Variants in CD86 observed in about 807,000 individuals in gnomAD.
CD86 encodes T-lymphocyte activation antigen CD86.
A neutral mutation model predicts 32.1 loss-of-function variants in CD86; 11 were observed. The ratio of observed to expected loss-of-function variants is 0.34; its 90% CI spans 0.22 to 0.57. The LOEUF (loss-of-function observed/expected upper bound fraction) is 0.57, where lower values mean the gene tolerates loss of function less well. Ranked by LOEUF, CD86 falls within the 20% of genes least tolerant of loss-of-function variation. The pLI is 0.86. For synonymous variants in CD86, 137 were observed against 135.3 expected (o/e 1.01, Z -0.09); for missense variants, 359 against 398.4 (o/e 0.90, Z 0.84).
chr3:122,096,512 T>C (rs1383998453), intron 2 of CD86, among the ~76,000 whole-genome samples: 2 of 152,204 alleles, frequency 1.3e-5, no homozygotes, highest in Non-Finnish European at 2.9e-5. Flanking sequence ...TCTCTATCAT[T>C]AATAATGTTA....
chr3:122,101,495 G>GAAAAAAAAA (rs72402574), intron 2 of CD86, among the ~76,000 whole-genome samples: 1 of 53,404 alleles, frequency 1.9e-5, no homozygotes, highest in African/African-American at 6.5e-5. Context: ...AGGCTCTACA[G>GAAAAAAAAA]AAAAAAAAAA....
chr3:122,087,160 C>T (rs1476043717), intron 1 of CD86, among the ~76,000 whole-genome samples: 1 of 152,130 alleles, frequency 6.6e-6, no homozygotes, highest in Admixed American at 6.5e-5. Context: ...GGCAGGTGCT[C>T]TTCTTGGTTT....
At chr3:122,099,751 T>C (rs1006498778) in intron 2 of CD86, among the ~76,000 whole-genome samples, 3 of 152,206 alleles carry the variant, frequency 2.0e-5, no homozygotes, top group Non-Finnish European at 2.9e-5. Flanking sequence ...TAATTAAAAT[T>C]AAATAAGATT....
intron 5 of CD86, among the ~76,000 whole-genome samples, chr3:122,115,454 T>C (rs1361807132): frequency 1.3e-5 from 2 of 152,134 alleles, no homozygotes; most frequent in Non-Finnish European, 2.9e-5. Flanking sequence ...ATGGATTAAA[T>C]GTAATCACAA....
chr3:122,076,896 C>T (rs938812970), intron 1 of CD86, among the ~76,000 whole-genome samples: 1 of 152,146 alleles, frequency 6.6e-6, no homozygotes, highest in Admixed American at 6.5e-5. Flanking sequence ...GCCCAGGGTC[C>T]AGTGGTCAAG....
At chr3:122,080,270 A>G (rs1559902357) in intron 1 of CD86, among the ~76,000 whole-genome samples, 1 of 152,168 alleles carries the variant, frequency 6.6e-6, no homozygotes, top group Non-Finnish European at 1.5e-5. Flanking sequence ...GAAACTTTGC[A>G]TGATCCTTAC....
intron 1 of CD86, among the ~76,000 whole-genome samples, chr3:122,070,469 C>A (rs561256699): frequency 1.0e-3 from 154 of 152,192 alleles, no homozygotes; most frequent in Middle Eastern, 6.8e-3. Flanking sequence ...GGTATAAATG[C>A]AAAATTTTGG....
intron 1 of CD86, among the ~76,000 whole-genome samples, chr3:122,064,354 T>C (rs1279747753): frequency 1.3e-5 from 2 of 152,186 alleles, no homozygotes; most frequent in Non-Finnish European, 2.9e-5. Flanking sequence ...TGACTAAAAT[T>C]GCCAGATCTT....
At chr3:122,073,246 A>T (rs1229467312) in intron 1 of CD86, among the ~76,000 whole-genome samples, 1 of 150,684 alleles carries the variant, frequency 6.6e-6, no homozygotes, top group Non-Finnish European at 1.5e-5. Context: ...TACTGTTTTA[A>T]TTTGCAATTC....
chr3:122,086,415 A>C, intron 1 of CD86, among the ~76,000 whole-genome samples: 1 of 150,860 alleles, frequency 6.6e-6, no homozygotes, highest in East Asian at 1.9e-4. Flanking sequence ...CTGCCATTCC[A>C]CCTCCCTCAT....
Position 122,055,728 on chromosome 3 carries a change from G to T in CD86, c.14+225G>T, listed in dbSNP as rs1425976333. On this transcript the variant is annotated intron_variant, in intron 1 of 6. Transcript: ENST00000330540. ...ATATATTTTTAGGTGCCTAATTTTG[G>T]TTTTGTAAATCTGTTATTCAAATAC... Among the ~76,000 whole-genome samples, 15 of 152,134 alleles carry T rather than the reference G, an allele frequency of 9.9e-5. No homozygotes were observed. The East Asian group carries it at 2.7e-3, about 27-fold the overall frequency.
chr3:122,104,528 T>A (rs1915092), intron 3 of CD86, among the ~76,000 whole-genome samples: 58,254 of 151,988 alleles, frequency 0.38, 12,112 homozygotes, highest in Admixed American at 0.56. Flanking sequence ...ATTGTATAGA[T>A]CTTGTATAGA....
At chr3:122,101,495 G>GAAAAAA (rs72402574) in intron 2 of CD86, among the ~76,000 whole-genome samples, 3 of 53,402 alleles carry the variant, frequency 5.6e-5, no homozygotes, top group African/African-American at 2.0e-4. Flanking sequence ...AGGCTCTACA[G>GAAAAAA]AAAAAAAAAA....
intron 5 of CD86, among the ~76,000 whole-genome samples, chr3:122,113,252 T>A (rs1323522848): frequency 6.6e-6 from 1 of 152,224 alleles, no homozygotes; most frequent in Non-Finnish European, 1.5e-5. Context: ...CACTCATGGG[T>A]TGATGGACAT....
chr3:122,088,656 C>T (rs2072764441), intron 1 of CD86, among the ~76,000 whole-genome samples: 1 of 152,188 alleles, frequency 6.6e-6, no homozygotes, highest in African/African-American at 2.4e-5. Context: ...ACCTACTTAT[C>T]ACAGAATATG....
chr3:122,075,230 G>A (rs543802904), intron 1 of CD86, among the ~76,000 whole-genome samples: 137 of 152,312 alleles, frequency 9.0e-4, no homozygotes, highest in Middle Eastern at 3.4e-3. Context: ...GAGGTAGGTT[G>A]ACTGACTCAG....
intron 1 of CD86, among the ~76,000 whole-genome samples, chr3:122,071,551 T>G (rs2072488764): frequency 6.6e-6 from 1 of 152,164 alleles, no homozygotes; most frequent in African/African-American, 2.4e-5. Context: ...TAATTATGAA[T>G]AAAGTGGCTA....
At chr3:122,084,531 G>T (rs2072685037) in intron 1 of CD86, among the ~76,000 whole-genome samples, 1 of 152,208 alleles carries the variant, frequency 6.6e-6, no homozygotes, top group Non-Finnish European at 1.5e-5. Context: ...GCTGTAGTTT[G>T]CTGACCCCTG....
chr3:122,072,646 GT>G (rs1226501948), intron 1 of CD86, among the ~76,000 whole-genome samples: 20 of 152,270 alleles, frequency 1.3e-4, no homozygotes, highest in African/African-American at 4.3e-4. Context: ...TGTCAGATGA[GT>G]AGGTTGCAAA....
Sources: gnomAD v4.1 joint callset for allele counts (sites outside exome capture counted in the v4.1 genomes callset) on GRCh38, gnomAD v4.1.1 for gene constraint, MANE v1.5 for transcripts, NCBI Gene and HGNC (gene_info 2026-07-23, HGNC 2026-07-21) for gene names.